TWF1: variants seen among roughly 807,000 people sequenced by gnomAD.
TWF1 encodes the protein twinfilin-1.
TWF1 carries 14 observed loss-of-function variants against 47.9 expected under a neutral mutation model. That is an observed-to-expected ratio of 0.29 (90% CI 0.19 to 0.46). TWF1 has a LOEUF of 0.46. Ranked by LOEUF, TWF1 falls within the 20% of genes least tolerant of loss-of-function variation. TWF1 has a pLI of 1.00. For missense variants in TWF1, 281 were observed against 409.3 expected, an observed-to-expected ratio of 0.69 and a Z score of 2.70; for synonymous variants, 96 against 139.2, an observed-to-expected ratio of 0.69 and a Z score of 2.18.
intron 1 of TWF1, 159 bp downstream of exon 1, chr12:43,806,062 G>A (rs1942761651): frequency 2.6e-6 from 4 of 1,518,712 alleles, no homozygotes; most frequent in East Asian, 2.5e-5. Flanking sequence ...CAGCGCCCGG[G>A]AAGCAGGAGC....
At chr12:43,796,869 C>T (rs1157670427) in intron 8 of TWF1, 107 bp downstream of exon 8, 3 of 1,243,682 alleles carry the variant, frequency 2.4e-6, no homozygotes, top group Non-Finnish European at 3.4e-6. Flanking sequence ...AGGATGATAA[C>T]AAGAAAAATA....
Position 43,806,296 on chromosome 12 carries a change from C to A in TWF1, c.-51G>T. The A allele has an allele frequency of 7.0e-7, 1 of 1,437,340 alleles. No homozygotes were observed. Among genetic ancestry groups the A allele is most frequent in the South Asian group, 1.3e-5 (1 of 74,164 alleles). The allele number at this position is 1,437,340 out of a possible 1,614,324, so 89.0% of individuals were successfully genotyped here. ...CGGCGCTGAGTGCAGCCAGCGGCCCCGGCCGGCGGCCCCAGGAAGTGGCTG... is the reference window on the plus strand; with the variant it reads ...CGGCGCTGAGTGCAGCCAGCGGCCCAGGCCGGCGGCCCCAGGAAGTGGCTG... On this transcript the variant is annotated 5_prime_UTR_variant, in exon 1 of 9. Coordinates refer to ENST00000395510, the MANE Select transcript of TWF1 (RefSeq NM_002822.5).
At position 43,795,629 on chromosome 12, in the gene TWF1, T is replaced by C; in HGVS notation, c.1009A>G (p.Arg337Gly). 1.9e-6 allele frequency: 3 copies of C among 1,612,694 alleles called. No individual in the cohort carries two copies. The Admixed American group carries it at 5.0e-5, about 27-fold the overall frequency. ...KGPAGKRGIR[R>G]LIRGPAETEA... ...GTTTCCGCTGGGCCCCTAATTAGTC[T>C]TCGAATTCCTCTTTTTCCTGCAGGA... The change falls in exon 9 of 9, where the codon AGA becomes GGA. Residue 337 changes from arginine (R) to glycine (G), a missense_variant. Arg to Gly is a moderately radical substitution (Grantham distance 125, BLOSUM62 -2). Transcript: ENST00000395510.
In TWF1 at chr12:43,795,333, G is replaced by T. The variant is rs574183025; in HGVS notation, c.*252C>A. 5 of 390,236 alleles carry T rather than the reference G, an allele frequency of 1.3e-5. No homozygotes were observed. Among genetic ancestry groups the T allele is most frequent in the Admixed American group, 3.9e-5 (1 of 25,352 alleles). The allele number at this position is 390,236 out of a possible 1,614,324, so 24.2% of individuals were successfully genotyped here. On this transcript the variant is annotated 3_prime_UTR_variant, in exon 9 of 9. Coordinates refer to ENST00000395510, the MANE Select transcript of TWF1 (RefSeq NM_002822.5). ...AAATTTTAAGAAGTATTTGAAGTGT[G>T]GAATCAACGCTATGAAAACAGTGTG... is the stretch of plus-strand genomic sequence containing the variant.
rs1056242962 is a variant in TWF1 at position 43,794,706 on chromosome 12, G to A, written c.*879C>T. ...TTAAGGTGTTTATCTACGTTAGCCT[G>A]TTAAGTACCAGGACTTTAAAGTAAT... On this transcript the variant is annotated 3_prime_UTR_variant, in exon 9 of 9. Coordinates refer to ENST00000395510, the MANE Select transcript of TWF1 (RefSeq NM_002822.5). The A allele has an allele frequency of 1.3e-5, 2 of 152,068 alleles. No homozygotes were observed. Among genetic ancestry groups the A allele is most frequent in the African/African-American group, 4.8e-5 (2 of 41,338 alleles). The allele number at this position is 152,068 out of a possible 1,614,324, so 9.4% of individuals were successfully genotyped here. A position where few individuals can be genotyped will look rare whatever the true frequency, so the allele number is the denominator to read the frequency against.
In TWF1 at chr12:43,795,342, G is replaced by A. The variant is rs535312216; in HGVS notation, c.*243C>T. ...GAAGTATTTGAAGTGTGGAATCAAC[G>A]CTATGAAAACAGTGTGACAAAATTA... is the stretch of plus-strand genomic sequence containing the variant. On this transcript the variant is annotated 3_prime_UTR_variant, in exon 9 of 9. Coordinates refer to ENST00000395510, the MANE Select transcript of TWF1 (RefSeq NM_002822.5). 131 of 407,862 alleles carry A rather than the reference G, an allele frequency of 3.2e-4. No homozygotes were observed. The highest frequency in any genetic ancestry group is 3.7e-4 in the Non-Finnish European group (84 of 225,860). The allele number at this position is 407,862 out of a possible 1,614,324, so 25.3% of individuals were successfully genotyped here.
chr12:43,806,292 GC>G lies in TWF1; in HGVS notation c.-48del. 6.9e-7 allele frequency: 1 copy of G among 1,442,132 alleles called. No individual in the cohort carries two copies. The allele number at this position is 1,442,132 out of a possible 1,614,324, so 89.3% of individuals were successfully genotyped here. On this transcript the variant is annotated 5_prime_UTR_variant, in exon 1 of 9. Transcript: ENST00000395510. The stretch of plus-strand genomic sequence containing the variant: ...GCTCCGGCGCTGAGTGCAGCCAGCG[GC>G]CCCGGCCGGCGGCCCCAGGAAGTGG...
At chr12:43,803,874 T>C (rs1651667667) in intron 2 of TWF1, among the ~76,000 whole-genome samples, 1 of 151,962 alleles carries the variant, frequency 6.6e-6, no homozygotes, top group Non-Finnish European at 1.5e-5. Context: ...CACTGGAATA[T>C]TTTAATATAT....
chr12:43,798,449 C>A, intron 5 of TWF1: 1 of 949,232 alleles, frequency 1.1e-6, no homozygotes, highest in South Asian at 1.8e-5. Flanking sequence ...GTCTCATTCG[C>A]AGTGTTGCAA....
rs1942581594 is a variant in TWF1 at position 43,797,777 on chromosome 12, A to G, written c.540T>C (p.Phe180=). 6.2e-7 allele frequency: 1 copy of G among 1,613,390 alleles called. No homozygotes were observed. The highest frequency in any genetic ancestry group is 1.3e-5 in the African/African-American group (1 of 74,888). The change falls in exon 6 of 9, where the codon TTT becomes TTC. Residue 180 remains phenylalanine (F), a synonymous_variant. Transcript: ENST00000395510. ...CCTGAAAGGCTTCTCGAGAAATGGG[A>G]AATGCTACTCCTTGTAGTGTTTGAT... ...TKHQTLQGVA[F]PISREAFQAL... is the part of the protein sequence containing the mutation.
chr12:43,799,177 T>C (rs1028123636), intron 5 of TWF1, among the ~76,000 whole-genome samples: 3 of 152,106 alleles, frequency 2.0e-5, no homozygotes, highest in Non-Finnish European at 4.4e-5. Flanking sequence ...ATGAAGATTA[T>C]AGGAAAAGCT....
chr12:43,797,628 A>G, intron 6 of TWF1, 80 bp downstream of exon 6: 1 of 1,498,620 alleles, frequency 6.7e-7, no homozygotes, highest in South Asian at 1.3e-5. Context: ...TAAAATGTAA[A>G]ATCCATTAAT....
In TWF1 at chr12:43,806,249, G is replaced by A. The variant is rs908432489; in HGVS notation, c.-4C>T. 49 of 1,526,088 alleles carry A rather than the reference G, an allele frequency of 3.2e-5. No homozygotes were observed. Among genetic ancestry groups the A allele is most frequent in the Non-Finnish European group, 3.8e-5 (43 of 1,139,416 alleles). The allele number at this position is 1,526,088 out of a possible 1,614,324, so 94.5% of individuals were successfully genotyped here. ...GGATGCCGGTCTGGTGGGACATGGC[G>A]GCGGCCGCTAGCTCCCGGCTCCGGC... On this transcript the variant is annotated 5_prime_UTR_variant, in exon 1 of 9. Coordinates refer to ENST00000395510, the MANE Select transcript of TWF1 (RefSeq NM_002822.5).
At chr12:43,797,253 A>G in intron 7 of TWF1, 49 bp downstream of exon 7, 1 of 1,524,222 alleles carries the variant, frequency 6.6e-7, no homozygotes, top group East Asian at 2.3e-5. Context: ...GGGCTGATAC[A>G]CCAATAAACA....
intron 2 of TWF1, among the ~76,000 whole-genome samples, chr12:43,803,318 C>T (rs1194339582): frequency 6.6e-6 from 1 of 152,110 alleles, no homozygotes; most frequent in African/African-American, 2.4e-5. Context: ...AGTATCAGAA[C>T]TCCCAATTGT....
rs1287955535 is a variant in TWF1, at chr12:43,799,285, A to G, written c.483+113T>C. On this transcript the variant is annotated intron_variant, in intron 5 of 8. Coordinates refer to ENST00000395510, the MANE Select transcript of TWF1 (RefSeq NM_002822.5). ...CTTATCTCTAAACTAAACGGAATAAACCTAAGCTACCTAACTTCTTTAATC... is the reference window on the plus strand; with the variant it reads ...CTTATCTCTAAACTAAACGGAATAAGCCTAAGCTACCTAACTTCTTTAATC... The G allele has an allele frequency of 6.3e-6, 4 of 639,336 alleles. No homozygotes were observed. In the East Asian group the frequency reaches 8.9e-5, roughly 14 times the overall value. The allele number at this position is 639,336 out of a possible 1,614,324, so 39.6% of individuals were successfully genotyped here.
chr12:43,797,117 CAA>C lies in TWF1; in HGVS notation c.761-22_761-21del. 6.4e-7 allele frequency: 1 copy of C among 1,569,540 alleles called. No individual in the cohort carries two copies. Among genetic ancestry groups the C allele is most frequent in the Non-Finnish European group, 8.7e-7 (1 of 1,155,292 alleles). On this transcript the variant is annotated intron_variant, in intron 7 of 8. Coordinates refer to ENST00000395510, the MANE Select transcript of TWF1 (RefSeq NM_002822.5). Reference sequence around the variant, plus strand: ...TAAAAACTGTAAGTTCAAATAATAACAAATATAATTAGCATATCAATACATAA... The same window carrying C: ...TAAAAACTGTAAGTTCAAATAATAACATATAATTAGCATATCAATACATAA...
Position 43,797,035 on chromosome 12 carries a change from A to G in TWF1, c.823T>C (p.Cys275Arg). ...ACAATTTCTAGCAGACGGCTCTTGC[A>G]GCTAGAATACAGCATCCGCTCTCTT... ...SIRERMLYSS[C>R]KSRLLEIVER... The change falls in exon 8 of 9, where the codon TGC (cysteine) becomes CGC (arginine). Residue 275 changes from cysteine to arginine, a missense_variant. By Grantham distance (180) the Cys-to-Arg change is radical. Transcript: ENST00000395510. 6.2e-7 allele frequency: 1 copy of G among 1,611,538 alleles called. No homozygotes were observed. The highest frequency in any genetic ancestry group is 8.5e-7 in the Non-Finnish European group (1 of 1,178,952).
chr12:43,804,297 C>G (rs1332984937), intron 2 of TWF1, 198 bp downstream of exon 2: 8 of 573,362 alleles, frequency 1.4e-5, no homozygotes, highest in African/African-American at 3.8e-5. Flanking sequence ...CTTTCTGTTT[C>G]CCTGATAGTC....
Sources: gnomAD v4.1 joint callset for allele counts (sites outside exome capture counted in the v4.1 genomes callset) on GRCh38, gnomAD v4.1.1 for gene constraint, MANE v1.5 for transcripts, NCBI Gene and HGNC (gene_info 2026-07-23, HGNC 2026-07-21) for gene names.